The following MLLT3 variants were observed in gnomAD, a reference collection of about 807,000 sequenced individuals.
MLLT3 encodes MLLT3 super elongation complex subunit.
Under a neutral mutation model 53.2 loss-of-function variants are expected in MLLT3, and 4 were observed. The ratio of observed to expected loss-of-function variants is 0.08; its 90% CI spans 0.04 to 0.17. The LOEUF (loss-of-function observed/expected upper bound fraction) is 0.17, where lower values mean the gene tolerates loss of function less well. MLLT3 is among the 10% of genes least tolerant of loss of function. The pLI, the probability that MLLT3 is intolerant of heterozygous loss-of-function variation, is 1.00. For missense variants in MLLT3, 569 were observed against 684.0 expected, an observed-to-expected ratio of 0.83 and a Z score of 1.87; for synonymous variants, 283 against 230.6, an observed-to-expected ratio of 1.23 and a Z score of -2.06.
At chr9:20,617,674 T>C (rs1285184449) in intron 2 of MLLT3, among the ~76,000 whole-genome samples, 5 of 152,150 alleles carry the variant, frequency 3.3e-5, no homozygotes, top group African/African-American at 1.2e-4. Flanking sequence ...GGTAAATAGT[T>C]TAAAAATGCA....
chr9:20,541,367 G>A (rs1046766061), intron 2 of MLLT3, among the ~76,000 whole-genome samples: 2 of 152,086 alleles, frequency 1.3e-5, no homozygotes, highest in Admixed American at 6.5e-5. Flanking sequence ...TTCTATGTTA[G>A]TCTGTTTTTG....
chr9:20,600,559 T>C (rs755933553), intron 2 of MLLT3, among the ~76,000 whole-genome samples: 3 of 152,240 alleles, frequency 2.0e-5, no homozygotes, highest in Non-Finnish European at 4.4e-5. Flanking sequence ...GTTTCTTCTC[T>C]ATAGAGTGAT....
chr9:20,555,589 A>C (rs1438393672), intron 2 of MLLT3, among the ~76,000 whole-genome samples: 1 of 152,198 alleles, frequency 6.6e-6, no homozygotes, highest in African/African-American at 2.4e-5. Flanking sequence ...GAAAACAACT[A>C]TCTCTCCATC....
intron 2 of MLLT3, among the ~76,000 whole-genome samples, chr9:20,500,622 C>T (rs756942574): frequency 6.6e-5 from 10 of 152,188 alleles, no homozygotes; most frequent in Middle Eastern, 3.2e-3. Flanking sequence ...ATTGACCACT[C>T]AGTTCAAATT....
chr9:20,482,686 G>A (rs971917158), intron 2 of MLLT3, among the ~76,000 whole-genome samples: 1 of 152,142 alleles, frequency 6.6e-6, no homozygotes, highest in African/African-American at 2.4e-5. Context: ...AGTCCTAAAG[G>A]AGAGAGTGAA....
rs143280746 is a variant in MLLT3, at chr9:20,591,880, G to A, written c.193+28774C>T. On this transcript the variant is annotated intron_variant, in intron 2 of 10. Coordinates refer to ENST00000380338, the MANE Select transcript of MLLT3 (RefSeq NM_004529.4). ...GTTTTTAAGAAATGTTAAACAGAAT[G>A]AAGCCAGGTACGGTGGCACACTTGT... Among the ~76,000 whole-genome samples, 827 of 152,260 alleles carry A rather than the reference G, an allele frequency of 5.4e-3. 13 individuals carry two copies. Among genetic ancestry groups the A allele is most frequent in the Admixed American group, 0.021 (323 of 15,288 alleles).
At chr9:20,549,714 G>A (rs1249204044) in intron 2 of MLLT3, among the ~76,000 whole-genome samples, 2 of 152,118 alleles carry the variant, frequency 1.3e-5, no homozygotes, top group East Asian at 3.9e-4. Flanking sequence ...CACCTTGGCT[G>A]GTCTGAGAAT....
In MLLT3 at chr9:20,620,896, C is replaced by T. The variant is rs1820984976; in HGVS notation, c.13-62G>A. On this transcript the variant is annotated intron_variant, in intron 1 of 10. Transcript: ENST00000380338. This position sits in a 1 kb window ranked among gnomAD's most constrained non-coding sequence, Gnocchi z 6.1. ...AGGAAGGCGAGGTTTCGGCAGTGAA[C>T]GTTGCGCCTGACATTTTTTTCCTCC... 2 of 1,550,484 alleles carry T rather than the reference C, an allele frequency of 1.3e-6. No homozygotes were observed. Among genetic ancestry groups the T allele is most frequent in the Non-Finnish European group, 1.8e-6 (2 of 1,130,374 alleles).
chr9:20,503,390 A>T (rs1825297747), intron 2 of MLLT3, among the ~76,000 whole-genome samples: 1 of 152,226 alleles, frequency 6.6e-6, no homozygotes, highest in Admixed American at 6.5e-5. Context: ...AAATAAATCT[A>T]CACATATACA....
At chr9:20,430,957 A>G (rs1033895362) in intron 4 of MLLT3, among the ~76,000 whole-genome samples, 1 of 152,176 alleles carries the variant, frequency 6.6e-6, no homozygotes, top group Non-Finnish European at 1.5e-5. Context: ...TGGCCAATGA[A>G]ATATATGTTC....
At chr9:20,441,402 G>A (rs1050313124) in intron 4 of MLLT3, among the ~76,000 whole-genome samples, 4 of 152,002 alleles carry the variant, frequency 2.6e-5, no homozygotes, top group Admixed American at 2.0e-4. Context: ...TTATGAGATC[G>A]ACATTACATT....
intron 2 of MLLT3, among the ~76,000 whole-genome samples, chr9:20,493,609 T>C (rs993656354): frequency 6.6e-5 from 10 of 152,024 alleles, no homozygotes; most frequent in Non-Finnish European, 1.5e-4. Context: ...AGAATCCACT[T>C]AAATATCCAA....
chr9:20,405,586 T>G (rs1417849273), intron 5 of MLLT3, among the ~76,000 whole-genome samples: 1 of 152,230 alleles, frequency 6.6e-6, no homozygotes, highest in Non-Finnish European at 1.5e-5. Flanking sequence ...CTATCTTACC[T>G]ATTGTATAGA....
At chr9:20,568,890 T>TA (rs2131161393) in intron 2 of MLLT3, among the ~76,000 whole-genome samples, 1 of 152,234 alleles carries the variant, frequency 6.6e-6, no homozygotes, top group African/African-American at 2.4e-5. Context: ...AGAGTAAAAA[T>TA]AGAGTGGGGT....
intron 2 of MLLT3, among the ~76,000 whole-genome samples, chr9:20,591,362 G>A (rs1820125743): frequency 6.6e-6 from 1 of 152,168 alleles, no homozygotes; most frequent in Non-Finnish European, 1.5e-5. Flanking sequence ...GTCTCAGATA[G>A]TGTGGAGGAA....
At chr9:20,622,148 G>A (rs1243785495) in intron 1 of MLLT3, 97 bp downstream of exon 1, 2 of 1,362,942 alleles carry the variant, frequency 1.5e-6, no homozygotes, top group South Asian at 1.2e-5. Context: ...TTCTCTAATT[G>A]GAACCGCGGA....
intron 2 of MLLT3, among the ~76,000 whole-genome samples, chr9:20,466,494 G>A (rs1182690492): frequency 6.6e-6 from 1 of 151,912 alleles, no homozygotes; most frequent in Admixed American, 6.5e-5. Flanking sequence ...TTTTTTGCTT[G>A]CTCCTATCAA....
At chr9:20,565,204 T>C (rs1461105868) in intron 2 of MLLT3, among the ~76,000 whole-genome samples, 1 of 152,120 alleles carries the variant, frequency 6.6e-6, no homozygotes, top group East Asian at 1.9e-4. Context: ...ACTGAGTATT[T>C]GTTTACAATT....
chr9:20,400,507 T>TA (rs1187101336), intron 5 of MLLT3, among the ~76,000 whole-genome samples: 1 of 152,094 alleles, frequency 6.6e-6, no homozygotes, highest in African/African-American at 2.4e-5. Flanking sequence ...TTCTGTTTTT[T>TA]AAAAAAGTCC....
Sources: allele counts gnomAD v4.1 joint callset (sites outside exome capture counted in the v4.1 genomes callset), GRCh38; gene constraint gnomAD v4.1.1; non-coding constraint Gnocchi (gnomAD v3.1); transcripts MANE v1.5; gene names NCBI Gene and HGNC (gene_info 2026-07-23, HGNC 2026-07-21).